ITGA1: variants seen among roughly 807,000 people sequenced by gnomAD.
ITGA1 encodes the protein integrin subunit alpha 1.
ITGA1 carries 85 observed loss-of-function variants against 145.9 expected under a neutral mutation model. The observed-to-expected ratio is 0.58, with a 90% CI of 0.49 to 0.70. The LOEUF (loss-of-function observed/expected upper bound fraction) is 0.70. ITGA1 is among the 30% of genes least tolerant of loss of function. The pLI is 0.00. For missense variants in ITGA1, 1,351 were observed against 1,418.7 expected (o/e 0.95, Z 0.77); for synonymous variants, 520 against 495.3 (o/e 1.05, Z -0.66).
chr5:52,920,230 T>C, intron 16 of ITGA1, 102 bp from the exon 17 acceptor site: 1 of 869,852 alleles, frequency 1.1e-6, no homozygotes, highest in East Asian at 2.8e-5. Flanking sequence ...TTTTGATTGA[T>C]TGCCAAAGAG....
At chr5:52,847,089 A>C (rs141595417) in intron 1 of ITGA1, among the ~76,000 whole-genome samples, 157 of 152,338 alleles carry the variant, frequency 1.0e-3, no homozygotes, top group African/African-American at 3.5e-3. Context: ...TTGGGGGGAA[A>C]AATCTGACAC....
intron 6 of ITGA1, among the ~76,000 whole-genome samples, chr5:52,877,694 C>G (rs1749888771): frequency 6.6e-6 from 1 of 152,210 alleles, no homozygotes; most frequent in Admixed American, 6.5e-5. Flanking sequence ...CTGGCAGGAG[C>G]AGTCACGGAG....
At chr5:52,918,701 G>T in intron 15 of ITGA1, 31 bp from the exon 16 acceptor site, 1 of 1,585,644 alleles carries the variant, frequency 6.3e-7, no homozygotes, top group Non-Finnish European at 8.6e-7. Flanking sequence ...ATGTAAAAAT[G>T]TGTGAGTAAT....
chr5:52,832,836 A>AG (rs1347019486), intron 1 of ITGA1, among the ~76,000 whole-genome samples: 1 of 8,048 alleles, frequency 1.2e-4, no homozygotes, highest in Non-Finnish European at 1.2e-3. Flanking sequence ...TTCTCAAAAG[A>AG]GTTTTTTTTT....
chr5:52,855,544 C>T (rs756037362), intron 2 of ITGA1, among the ~76,000 whole-genome samples: 11 of 151,860 alleles, frequency 7.2e-5, no homozygotes, highest in Non-Finnish European at 1.3e-4. Context: ...AAAAACCAAT[C>T]CCTACTATTG....
chr5:52,908,789 G>A, intron 12 of ITGA1, 109 bp from the exon 13 acceptor site: 1 of 1,172,952 alleles, frequency 8.5e-7, no homozygotes. Context: ...CATTTCCTTT[G>A]CCAACTAGCT....
chr5:52,829,245 GTCAGATGTGGTGGC>G (rs1749018489), intron 1 of ITGA1, among the ~76,000 whole-genome samples: 2 of 152,136 alleles, frequency 1.3e-5, no homozygotes, highest in African/African-American at 4.8e-5. Flanking sequence ...AATTTTACTG[GTCAGATGTGGTGGC>G]TCATGCCTAT....
At chr5:52,914,737 T>A (rs903298398) in intron 14 of ITGA1, among the ~76,000 whole-genome samples, 1 of 152,164 alleles carries the variant, frequency 6.6e-6, no homozygotes. Context: ...AGACTTGAAG[T>A]TTAGGGAGGG....
intron 1 of ITGA1, among the ~76,000 whole-genome samples, chr5:52,847,442 G>A (rs1415943490): frequency 3.3e-5 from 5 of 152,198 alleles, no homozygotes; most frequent in Non-Finnish European, 5.9e-5. Flanking sequence ...CAGGATCTAT[G>A]TGGCTATATG....
At chr5:52,896,223 A>C (rs781248508) in intron 9 of ITGA1, among the ~76,000 whole-genome samples, 3 of 152,200 alleles carry the variant, frequency 2.0e-5, no homozygotes, top group African/African-American at 4.8e-5. Flanking sequence ...CAGCAGGAAG[A>C]ACATCACATA....
At chr5:52,864,325 C>T (rs1438166412) in intron 3 of ITGA1, among the ~76,000 whole-genome samples, 1 of 152,086 alleles carries the variant, frequency 6.6e-6, no homozygotes, top group Non-Finnish European at 1.5e-5. Flanking sequence ...AAGTCATGGT[C>T]AAAAAACTGG....
intron 19 of ITGA1, among the ~76,000 whole-genome samples, chr5:52,926,259 CA>C (rs1363006749): frequency 9.9e-5 from 15 of 152,082 alleles, no homozygotes; most frequent in African/African-American, 2.7e-4. Context: ...ATGACTAAGA[CA>C]AACCTAAAAA....
At chr5:52,923,511 A>G (rs1374011752) in intron 18 of ITGA1, among the ~76,000 whole-genome samples, 2 of 152,054 alleles carry the variant, frequency 1.3e-5, no homozygotes, top group Non-Finnish European at 2.9e-5. Context: ...TCAGTTATCT[A>G]CTCTTCAAGA....
intron 2 of ITGA1, among the ~76,000 whole-genome samples, chr5:52,853,950 C>T (rs1220542291): frequency 6.6e-6 from 1 of 152,130 alleles, no homozygotes; most frequent in African/African-American, 2.4e-5. Context: ...CTCAGCCGAA[C>T]GGGAAAATGT....
At chr5:52,937,894 A>G (rs997087908) in intron 24 of ITGA1, among the ~76,000 whole-genome samples, 1 of 151,728 alleles carries the variant, frequency 6.6e-6, no homozygotes, top group African/African-American at 2.4e-5. Flanking sequence ...CATAGCTCCT[A>G]TCTCTGCCTC....
At chr5:52,891,108 T>C (rs1579701337) in intron 8 of ITGA1, among the ~76,000 whole-genome samples, 1 of 152,180 alleles carries the variant, frequency 6.6e-6, no homozygotes, top group Non-Finnish European at 1.5e-5. Flanking sequence ...TATACCATGT[T>C]TTTTTAAATC....
chr5:52,925,569 T>C, intron 19 of ITGA1, 82 bp downstream of exon 19: 1 of 1,014,244 alleles, frequency 9.9e-7, no homozygotes, highest in Non-Finnish European at 1.5e-6. Context: ...ATAATTGCTT[T>C]TATTAGATTG....
chr5:52,790,132 GACTC>G (rs1482266254), intron 1 of ITGA1, among the ~76,000 whole-genome samples: 1 of 152,086 alleles, frequency 6.6e-6, no homozygotes, highest in East Asian at 1.9e-4. Flanking sequence ...GTAACCTGGG[GACTC>G]ATCACCATAC....
At chr5:52,927,151 A>T (rs527549748) in intron 19 of ITGA1, among the ~76,000 whole-genome samples, 1 of 152,330 alleles carries the variant, frequency 6.6e-6, no homozygotes, top group Non-Finnish European at 1.5e-5. Flanking sequence ...GATAAAGCTA[A>T]CAGTGGTGCA....
Sources: gnomAD v4.1 joint callset for allele counts (sites outside exome capture counted in the v4.1 genomes callset) on GRCh38, gnomAD v4.1.1 for gene constraint, MANE v1.5 for transcripts, NCBI Gene and HGNC (gene_info 2026-07-23, HGNC 2026-07-21) for gene names.